GPR19: variants seen among roughly 807,000 people sequenced by gnomAD.
The protein encoded by GPR19 is probable G protein-coupled receptor 19.
Under a neutral mutation model 28.5 loss-of-function variants are expected in GPR19, and 14 were observed. That is an observed-to-expected ratio of 0.49 (90% CI 0.32 to 0.77). GPR19 has a LOEUF of 0.77. Among genes scored for constraint, GPR19 ranks in the 30% least tolerant of loss-of-function variants. The pLI is 0.03. For synonymous variants in GPR19, 173 were observed against 184.1 expected (o/e 0.94, Z 0.49); for missense variants, 409 against 504.1 (o/e 0.81, Z 1.81).
At chr12:12,674,184 C>A (rs1228842106) in intron 3 of GPR19, among the ~76,000 whole-genome samples, 1 of 134,708 alleles carries the variant, frequency 7.4e-6, no homozygotes, top group Non-Finnish European at 1.5e-5. Flanking sequence ...TGCACTCCAA[C>A]CTGGGCGACA....
chr12:12,690,179 G>A (rs1313943175), intron 2 of GPR19, among the ~76,000 whole-genome samples: 1 of 152,064 alleles, frequency 6.6e-6, no homozygotes, highest in Non-Finnish European at 1.5e-5. Flanking sequence ...TTTGTTATGC[G>A]GTAATAGATG....
the GPR19 span, chr12:12,717,235 A>C: frequency 9.6e-7 from 1 of 1,046,574 alleles, no homozygotes; most frequent in Non-Finnish European, 1.2e-6. Flanking sequence ...GCGCTCGGGA[A>C]CGAGGGGAGG....
the GPR19 span, chr12:12,716,891 C>T: frequency 1.0e-6 from 1 of 984,764 alleles, no homozygotes; most frequent in Non-Finnish European, 1.2e-6. Flanking sequence ...CCGCAGACCA[C>T]GAGGTGGGGG....
In GPR19 at chr12:12,661,228, G is replaced by A; in HGVS notation, c.1221C>T (p.Asn407=). 1 of 1,609,884 alleles carries A rather than the reference G, an allele frequency of 6.2e-7. No homozygotes were observed. The highest frequency in any genetic ancestry group is 8.5e-7 in the Non-Finnish European group (1 of 1,178,154). The change falls in exon 4 of 4, where the codon AAC becomes AAT. Residue 407 remains asparagine, a synonymous_variant. Transcript: ENST00000651487. The surrounding 1 kb of genome is among the most constrained non-coding windows in gnomAD (Gnocchi z 4.2). ...AGACAAAAGTATTTGGTGGATTTGA[G>A]TTAATGGGCCAAGCAAGCTTTTTTT... ...AKEKKLAWPI[N]SNPPNTFV
intron 2 of GPR19, among the ~76,000 whole-genome samples, chr12:12,686,862 T>C (rs530170715): frequency 6.6e-6 from 1 of 152,338 alleles, no homozygotes; most frequent in East Asian, 1.9e-4. Context: ...ATTTATTCCT[T>C]CCAGGATGAC....
At chr12:12,666,151 T>A (rs760540537) in intron 3 of GPR19, among the ~76,000 whole-genome samples, 1 of 152,078 alleles carries the variant, frequency 6.6e-6, no homozygotes, top group Non-Finnish European at 1.5e-5. Context: ...TTTGGGGCCC[T>A]TTTCCCCTCA....
At chr12:12,667,795 A>G (rs566439479) in intron 3 of GPR19, among the ~76,000 whole-genome samples, 2 of 151,818 alleles carry the variant, frequency 1.3e-5, no homozygotes, top group South Asian at 4.2e-4. Context: ...TTGCTTTGTA[A>G]TTTTTATTTT....
At chr12:12,685,623 A>G (rs1044139817) in intron 2 of GPR19, among the ~76,000 whole-genome samples, 1 of 152,246 alleles carries the variant, frequency 6.6e-6, no homozygotes, top group African/African-American at 2.4e-5. Flanking sequence ...GGATTTAAAC[A>G]GTATTCTCAG....
intron 2 of GPR19, chr12:12,688,671 T>C (rs1363289958): frequency 6.6e-6 from 1 of 152,244 alleles, no homozygotes; most frequent in Non-Finnish European, 1.5e-5. Flanking sequence ...CAATCAATTA[T>C]TCTAAGCCTT....
At chr12:12,693,355 A>G (rs1447535091) in intron 2 of GPR19, among the ~76,000 whole-genome samples, 1 of 152,208 alleles carries the variant, frequency 6.6e-6, no homozygotes, top group Admixed American at 6.5e-5. Flanking sequence ...ACACATTTCA[A>G]TCATGCCTTG....
chr12:12,666,066 A>G (rs561370824), intron 3 of GPR19, among the ~76,000 whole-genome samples: 35 of 152,258 alleles, frequency 2.3e-4, no homozygotes, highest in African/African-American at 7.9e-4. Flanking sequence ...CAGGAAGACA[A>G]GTGAATAAAA....
At chr12:12,688,347 GTT>G (rs34624218) in intron 2 of GPR19, among the ~76,000 whole-genome samples, 3 of 147,462 alleles carry the variant, frequency 2.0e-5, no homozygotes, top group East Asian at 2.0e-4. Flanking sequence ...ATAATGTCGA[GTT>G]TTTTTTTTTA....
chr12:12,698,118 G>A (rs1048604167), upstream of GPR19, among the ~76,000 whole-genome samples: 1 of 152,204 alleles, frequency 6.6e-6, no homozygotes, highest in Non-Finnish European at 1.5e-5. Flanking sequence ...AAGTATGGGA[G>A]TGGAAGAGCT....
At chr12:12,700,153 C>G (rs561727522), upstream of GPR19, among the ~76,000 whole-genome samples, 8 of 21,054 alleles carry the variant, frequency 3.8e-4, no homozygotes, top group African/African-American at 5.5e-4. Flanking sequence ...TTTTTTCTCT[C>G]TCTTTCTTTC....
chr12:12,688,766 G>T (rs1466772127), intron 2 of GPR19: 2 of 152,282 alleles, frequency 1.3e-5, no homozygotes, highest in African/African-American at 4.8e-5. Flanking sequence ...CAGGGGCCAG[G>T]GGTACTGAGT....
chr12:12,666,653 C>T (rs899700136), intron 3 of GPR19, among the ~76,000 whole-genome samples: 2 of 152,210 alleles, frequency 1.3e-5, no homozygotes, highest in African/African-American at 4.8e-5. Context: ...TCTTTTTCTC[C>T]ATGCTCTACA....
intron 3 of GPR19, among the ~76,000 whole-genome samples, chr12:12,683,843 C>T (rs1946056478): frequency 6.6e-6 from 1 of 152,092 alleles, no homozygotes. Flanking sequence ...GTCTACTGTC[C>T]TAAATCAGAG....
At position 12,695,486 on chromosome 12, in the gene GPR19, A is replaced by G. The variant is rs1946248023; in HGVS notation, c.-207T>C. The G allele has an allele frequency of 1.3e-5, 2 of 152,236 alleles. No individual in the cohort carries two copies. Among genetic ancestry groups the G allele is most frequent in the South Asian group, 2.1e-4 (1 of 4,826 alleles). The allele number at this position is 152,236 out of a possible 1,614,324, so 9.4% of individuals were successfully genotyped here. On this transcript the variant is annotated 5_prime_UTR_variant, in exon 2 of 4. Coordinates refer to ENST00000651487, the MANE Select transcript of GPR19 (RefSeq NM_006143.3). ...TTAAGATGTTGCGGGGCCAAATCCA[A>G]TGCCGGTGCAGGTGTCCCATATATC...
chr12:12,689,833 G>A (rs1441552617), intron 2 of GPR19, among the ~76,000 whole-genome samples: 6 of 152,078 alleles, frequency 3.9e-5, no homozygotes, highest in African/African-American at 1.4e-4. Context: ...ACTTACTCTG[G>A]GCAAGCCAGC....
Sources: gnomAD v4.1 joint callset for allele counts (sites outside exome capture counted in the v4.1 genomes callset) on GRCh38, gnomAD v4.1.1 for gene constraint, Gnocchi (gnomAD v3.1) non-coding constraint, MANE v1.5 for transcripts, NCBI Gene and HGNC (gene_info 2026-07-23, HGNC 2026-07-21) for gene names.